The following TENM2 variants were observed in gnomAD, a reference collection of about 807,000 sequenced individuals.
The protein encoded by TENM2 is teneurin transmembrane protein 2.
Under a neutral mutation model 245.2 loss-of-function variants are expected in TENM2, and 52 were observed. The observed-to-expected ratio is 0.21, with a 90% CI of 0.17 to 0.27. TENM2 has a LOEUF of 0.27. Among genes scored for constraint, TENM2 ranks in the 10% least tolerant of loss-of-function variants. The pLI is 1.00. For synonymous variants in TENM2, 1,363 were observed against 1,438.9 expected, an observed-to-expected ratio of 0.95 and a Z score of 1.19; for missense variants, 3,046 against 3,666.8, an observed-to-expected ratio of 0.83 and a Z score of 4.37.
At chr5:167,222,517 A>G in the TENM2 span, among the ~76,000 whole-genome samples, 1 of 152,336 alleles carries the variant, frequency 6.6e-6, no homozygotes, top group African/African-American at 2.4e-5. Context: ...ACATTGTTAG[A>G]TACAATGACT....
chr5:168,010,566 A>C (rs1249946822), intron 5 of TENM2, among the ~76,000 whole-genome samples: 2 of 152,236 alleles, frequency 1.3e-5, no homozygotes, highest in East Asian at 3.9e-4. Flanking sequence ...AGTGTTTTAC[A>C]ATCTCCAGAC....
intron 9 of TENM2, among the ~76,000 whole-genome samples, chr5:168,099,547 T>G (rs1224057298): frequency 1.3e-5 from 2 of 152,184 alleles, no homozygotes; most frequent in African/African-American, 4.8e-5. Flanking sequence ...ACGATTTTAT[T>G]TATTTATATG....
At chr5:167,515,081 T>A (rs1421991447) in intron 2 of TENM2, among the ~76,000 whole-genome samples, 5 of 152,170 alleles carry the variant, frequency 3.3e-5, no homozygotes, top group Non-Finnish European at 5.9e-5. Context: ...GCCATCAAGT[T>A]CATGAAGGTA....
chr5:168,046,787 A>G (rs1055192197), intron 5 of TENM2, among the ~76,000 whole-genome samples: 1 of 152,230 alleles, frequency 6.6e-6, no homozygotes, highest in African/African-American at 2.4e-5. Context: ...CAACCCCCCA[A>G]GCTTTTTCTA....
intron 12 of TENM2, among the ~76,000 whole-genome samples, chr5:168,148,024 A>T (rs1756262195): frequency 6.6e-6 from 1 of 152,154 alleles, no homozygotes; most frequent in Non-Finnish European, 1.5e-5. Flanking sequence ...ATCCACGAGG[A>T]TTATCGATTT....
intron 1 of TENM2, among the ~76,000 whole-genome samples, chr5:167,352,114 A>T (rs548297844): frequency 6.6e-6 from 1 of 152,160 alleles, no homozygotes; most frequent in Non-Finnish European, 1.5e-5. Flanking sequence ...ATCACATAAA[A>T]TCTAGATTTT....
At chr5:167,289,368 T>C (rs1404453684) in intron 1 of TENM2, among the ~76,000 whole-genome samples, 2 of 152,188 alleles carry the variant, frequency 1.3e-5, no homozygotes, top group African/African-American at 4.8e-5. Flanking sequence ...AAAGTGCTTC[T>C]TTCCAGTTAG....
At chr5:167,966,686 T>C (rs1056313911) in intron 4 of TENM2, among the ~76,000 whole-genome samples, 11 of 152,168 alleles carry the variant, frequency 7.2e-5, no homozygotes, top group African/African-American at 2.7e-4. Flanking sequence ...TGTTCTCAGA[T>C]TGATTTTTCT....
the TENM2 span, among the ~76,000 whole-genome samples, chr5:167,024,009 TC>T: frequency 2.6e-5 from 4 of 152,136 alleles, no homozygotes; most frequent in African/African-American, 9.7e-5. Context: ...ACATGAGAGA[TC>T]GAGAGATTTT....
At chr5:167,225,912 A>G in the TENM2 span, among the ~76,000 whole-genome samples, 1 of 151,812 alleles carries the variant, frequency 6.6e-6, no homozygotes, top group Non-Finnish European at 1.5e-5. Context: ...TGTTTCCAGG[A>G]ATTTATTTGT....
intron 2 of TENM2, among the ~76,000 whole-genome samples, chr5:167,495,208 T>TA (rs1369829959): frequency 6.7e-6 from 1 of 149,068 alleles, no homozygotes; most frequent in Non-Finnish European, 1.5e-5. Flanking sequence ...CAAAGTAATG[T>TA]AAAGTTCCTT....
chr5:167,173,584 T>C, the TENM2 span, among the ~76,000 whole-genome samples: 3 of 152,150 alleles, frequency 2.0e-5, no homozygotes, highest in African/African-American at 7.2e-5. Context: ...CTTGATTTTT[T>C]TGGTGTGTGT....
the TENM2 span, among the ~76,000 whole-genome samples, chr5:167,049,957 G>A: frequency 6.6e-6 from 1 of 152,176 alleles, no homozygotes. Context: ...GTAAGCATGA[G>A]ATGTAGTAGG....
At chr5:167,133,285 C>T in the TENM2 span, among the ~76,000 whole-genome samples, 1 of 152,170 alleles carries the variant, frequency 6.6e-6, no homozygotes, top group Non-Finnish European at 1.5e-5. Flanking sequence ...GGGAGCCGTG[C>T]CACACAGCCC....
chr5:167,692,296 C>A (rs756843568), intron 2 of TENM2, among the ~76,000 whole-genome samples: 9 of 152,144 alleles, frequency 5.9e-5, no homozygotes, highest in Non-Finnish European at 1.3e-4. Context: ...CAATTGCCCC[C>A]ATTCACTCTA....
intron 2 of TENM2, among the ~76,000 whole-genome samples, chr5:167,670,752 C>A (rs922393050): frequency 1.3e-5 from 2 of 152,118 alleles, no homozygotes; most frequent in Admixed American, 1.3e-4. Flanking sequence ...TATGTCAGTG[C>A]CCTCTAGATT....
chr5:167,981,509 A>C (rs971985687), intron 4 of TENM2, among the ~76,000 whole-genome samples: 4 of 152,162 alleles, frequency 2.6e-5, no homozygotes, highest in Non-Finnish European at 5.9e-5. Context: ...CTGGACAAAA[A>C]CCAAAACCCT....
intron 3 of TENM2, among the ~76,000 whole-genome samples, chr5:167,935,765 C>T (rs890247859): frequency 2.0e-5 from 3 of 152,142 alleles, no homozygotes; most frequent in Non-Finnish European, 4.4e-5. Flanking sequence ...CAGACCAAGT[C>T]ATTTTAGATG....
At position 167,567,110 on chromosome 5, in the gene TENM2, A is replaced by G. The variant is rs374111820; in HGVS notation, c.502+191637A>G. Among the ~76,000 whole-genome samples, 313 of 152,326 alleles carry G rather than the reference A, an allele frequency of 2.1e-3. 12 individuals carry two copies. The South Asian group carries it at 0.063, about 31-fold the overall frequency. On this transcript the variant is annotated intron_variant, in intron 2 of 28. Transcript: ENST00000518659. Reference sequence around the variant, plus strand: ...TATCACAAACCTTTAATCACATTATATACTCATTGCAAGTTTGGAAACGGA... The same window carrying G: ...TATCACAAACCTTTAATCACATTATGTACTCATTGCAAGTTTGGAAACGGA...
Sources: gnomAD v4.1 joint callset for allele counts (sites outside exome capture counted in the v4.1 genomes callset) on GRCh38, gnomAD v4.1.1 for gene constraint, MANE v1.5 for transcripts, NCBI Gene and HGNC (gene_info 2026-07-23, HGNC 2026-07-21) for gene names.